RGS6: variants seen among roughly 807,000 people sequenced by gnomAD.
RGS6 encodes the protein regulator of G-protein signaling 6.
RGS6 carries 30 observed loss-of-function variants against 78.5 expected under a neutral mutation model. That is an observed-to-expected ratio of 0.38 (90% CI 0.29 to 0.52). The LOEUF is 0.52. Among genes scored for constraint, RGS6 ranks in the 20% least tolerant of loss-of-function variants. The pLI is 0.85. For missense variants in RGS6, 495 were observed against 609.7 expected (o/e 0.81, Z 1.98); for synonymous variants, 206 against 206.0 (o/e 1.00, Z 0.00).
intron 12 of RGS6, among the ~76,000 whole-genome samples, chr14:72,489,156 G>GCCCCCCC (rs35147203): frequency 5.6e-5 from 8 of 141,972 alleles, no homozygotes; most frequent in African/African-American, 7.8e-5. Flanking sequence ...GACAAAGGGG[G>GCCCCCCC]CCCCCCCACC....
chr14:72,445,292 C>G (rs1445346254), intron 3 of RGS6, among the ~76,000 whole-genome samples: 1 of 152,212 alleles, frequency 6.6e-6, no homozygotes, highest in Non-Finnish European at 1.5e-5. Flanking sequence ...CAGGTTCAAG[C>G]ACTTCTCCTG....
At chr14:72,313,018 T>C (rs1030003969) in intron 2 of RGS6, among the ~76,000 whole-genome samples, 5 of 152,220 alleles carry the variant, frequency 3.3e-5, no homozygotes, top group African/African-American at 1.2e-4. Flanking sequence ...AGAATGACCT[T>C]GCAGTGGGAA....
chr14:72,047,469 C>A (rs1260747630), intron 2 of RGS6, among the ~76,000 whole-genome samples: 4 of 152,168 alleles, frequency 2.6e-5, no homozygotes, highest in African/African-American at 9.6e-5. Context: ...GTTTTAGCTA[C>A]TAACATTTAT....
At chr14:71,882,226 C>T in the RGS6 span, among the ~76,000 whole-genome samples, 1 of 152,226 alleles carries the variant, frequency 6.6e-6, no homozygotes, top group Non-Finnish European at 1.5e-5. Flanking sequence ...GCTTATTTCA[C>T]TTAGCACAAT....
chr14:72,306,310 G>A (rs2067230736), intron 2 of RGS6, among the ~76,000 whole-genome samples: 1 of 152,210 alleles, frequency 6.6e-6, no homozygotes, highest in African/African-American at 2.4e-5. Flanking sequence ...TTATGAAGAT[G>A]TACAAGAATG....
intron 2 of RGS6, among the ~76,000 whole-genome samples, chr14:72,285,834 G>A (rs563476598): frequency 3.1e-4 from 47 of 152,160 alleles, no homozygotes; most frequent in Non-Finnish European, 3.7e-4. Flanking sequence ...GCCTGTTCAA[G>A]TCATTTGCCC....
intron 2 of RGS6, among the ~76,000 whole-genome samples, chr14:71,992,534 G>A (rs1009400007): frequency 6.6e-6 from 1 of 152,162 alleles, no homozygotes; most frequent in Admixed American, 6.5e-5. Flanking sequence ...TAACAGATGA[G>A]GGAACTCGGA....
intron 2 of RGS6, among the ~76,000 whole-genome samples, chr14:72,023,000 G>A (rs999214814): frequency 5.9e-5 from 9 of 151,944 alleles, no homozygotes; most frequent in South Asian, 4.1e-4. Flanking sequence ...TCTTACCTTC[G>A]TCTGTGTTCA....
intron 2 of RGS6, among the ~76,000 whole-genome samples, chr14:71,989,625 C>T (rs1384779474): frequency 6.6e-6 from 1 of 152,166 alleles, no homozygotes; most frequent in African/African-American, 2.4e-5. Flanking sequence ...AGAGCCAGAC[C>T]TCTTGACCTG....
intron 4 of RGS6, among the ~76,000 whole-genome samples, chr14:72,455,054 AAAC>A (rs1292618211): frequency 3.9e-5 from 6 of 152,224 alleles, no homozygotes; most frequent in African/African-American, 1.4e-4. Context: ...CTTACCAGGA[AAAC>A]AACAACAGAA....
In RGS6 at chr14:71,969,693, A is replaced by C. The variant is rs150553282; in HGVS notation, c.84+4818A>C. ...AAAGAATATATTCAGTGTCCATGTA[A>C]AGTAGAAAGAATTAAAAAATGAATT... On this transcript the variant is annotated intron_variant, in intron 2 of 17. Transcript: ENST00000553525. 3.8e-3 allele frequency among the ~76,000 whole-genome samples: 574 copies of C among 152,288 alleles called. 1 individual carries two copies. Among genetic ancestry groups the C allele is most frequent in the African/African-American group, 0.013 (546 of 41,566 alleles).
chr14:72,486,963 G>A (rs2096497804), intron 12 of RGS6, among the ~76,000 whole-genome samples: 1 of 151,996 alleles, frequency 6.6e-6, no homozygotes, highest in Admixed American at 6.5e-5. Context: ...CTCAGTCTTT[G>A]GCTACCCCAG....
chr14:72,199,601 G>A (rs905465712), intron 2 of RGS6, among the ~76,000 whole-genome samples: 1 of 152,212 alleles, frequency 6.6e-6, no homozygotes, highest in African/African-American at 2.4e-5. Context: ...GTCACTGCAT[G>A]AATTACTTGG....
intron 2 of RGS6, among the ~76,000 whole-genome samples, chr14:72,274,563 A>G (rs2060400167): frequency 6.6e-6 from 1 of 152,272 alleles, no homozygotes; most frequent in Non-Finnish European, 1.5e-5. Context: ...GAACCTGTGC[A>G]TATGTTACCT....
intron 2 of RGS6, among the ~76,000 whole-genome samples, chr14:72,166,677 G>A (rs1290708091): frequency 6.6e-6 from 1 of 152,190 alleles, no homozygotes; most frequent in Non-Finnish European, 1.5e-5. Context: ...AAGAATAATT[G>A]GAAGGAGTGG....
At chr14:72,285,914 A>G (rs1425184643) in intron 2 of RGS6, among the ~76,000 whole-genome samples, 1 of 152,120 alleles carries the variant, frequency 6.6e-6, no homozygotes, top group Non-Finnish European at 1.5e-5. Flanking sequence ...TAGGTATTAA[A>G]CCCTTGTCAG....
intron 2 of RGS6, among the ~76,000 whole-genome samples, chr14:72,112,378 C>T (rs984351281): frequency 5.9e-5 from 9 of 152,130 alleles, no homozygotes; most frequent in African/African-American, 2.2e-4. Flanking sequence ...CCTGGCTTCT[C>T]CTCCAGGGAT....
chr14:72,408,505 G>A (rs1034402747), intron 3 of RGS6, among the ~76,000 whole-genome samples: 7 of 152,146 alleles, frequency 4.6e-5, no homozygotes, highest in Admixed American at 1.3e-4. Flanking sequence ...AGACACATCT[G>A]ACTGTCATTG....
intron 17 of RGS6, among the ~76,000 whole-genome samples, chr14:72,554,623 CATGCCACCGAGAGGCCTTACAGGCAGA>C (rs1015480368): frequency 2.0e-5 from 3 of 150,828 alleles, no homozygotes; most frequent in African/African-American, 7.3e-5. Flanking sequence ...CACAGGAAGG[CATGCCACCGAGAGGCCTTACAGGCAGA>C]ATGCCACCCT....
Sources: allele counts gnomAD v4.1 joint callset (sites outside exome capture counted in the v4.1 genomes callset), GRCh38; gene constraint gnomAD v4.1.1; transcripts MANE v1.5; gene names NCBI Gene and HGNC (gene_info 2026-07-23, HGNC 2026-07-21).